Variants in NHEJ1 observed in about 807,000 individuals in gnomAD.
NHEJ1 encodes non-homologous end-joining factor 1.
In NHEJ1, 22 loss-of-function variants were observed where a neutral mutation model predicts 39.4. That is an observed-to-expected ratio of 0.56 (90% CI 0.40 to 0.80). NHEJ1 has a LOEUF of 0.80. Among genes scored for constraint, NHEJ1 ranks in the 30% least tolerant of loss-of-function variants. The probability of loss-of-function intolerance (pLI) is 0.00; values close to 1 mark genes in which losing one functional copy is unlikely to be tolerated. For synonymous variants in NHEJ1, 154 were observed against 135.6 expected (o/e 1.14, Z -0.94); for missense variants, 329 against 357.1 (o/e 0.92, Z 0.63).
At chr2:219,136,879 A>T (rs1481822287) in intron 5 of NHEJ1, among the ~76,000 whole-genome samples, 1 of 152,168 alleles carries the variant, frequency 6.6e-6, no homozygotes, top group African/African-American at 2.4e-5. Flanking sequence ...CTGGGATTAC[A>T]GACCTGAGCC....
chr2:219,096,128 G>C (rs1179414506), intron 5 of NHEJ1, among the ~76,000 whole-genome samples: 59 of 152,220 alleles, frequency 3.9e-4, no homozygotes, highest in Non-Finnish European at 1.5e-5. Context: ...AGGAAAGTGA[G>C]AGGACCTATC....
At chr2:219,083,064 G>T (rs973918929) in intron 5 of NHEJ1, among the ~76,000 whole-genome samples, 2 of 152,164 alleles carry the variant, frequency 1.3e-5, no homozygotes, top group Non-Finnish European at 2.9e-5. Flanking sequence ...CTCCCCCTTC[G>T]CCAATCCATT....
chr2:219,100,914 G>C (rs888170198), intron 5 of NHEJ1, among the ~76,000 whole-genome samples: 1 of 152,090 alleles, frequency 6.6e-6, no homozygotes, highest in Non-Finnish European at 1.5e-5. Flanking sequence ...AAACACTATA[G>C]ATGTATATAA....
At chr2:219,121,704 T>C (rs549071238) in intron 5 of NHEJ1, among the ~76,000 whole-genome samples, 2 of 152,022 alleles carry the variant, frequency 1.3e-5, no homozygotes, top group Admixed American at 1.3e-4. Flanking sequence ...CAGCTGGACA[T>C]GCTCCTAGCT....
intron 5 of NHEJ1, among the ~76,000 whole-genome samples, chr2:219,116,240 G>A (rs375355868): frequency 7.6e-4 from 116 of 152,308 alleles, no homozygotes; most frequent in African/African-American, 2.7e-3. Context: ...GAATCAAAAC[G>A]GAGAATCTGA....
At chr2:219,092,921 C>G (rs1014072195) in intron 5 of NHEJ1, among the ~76,000 whole-genome samples, 1 of 152,158 alleles carries the variant, frequency 6.6e-6, no homozygotes, top group African/African-American at 2.4e-5. Flanking sequence ...AATTAGGTAC[C>G]AAGAGACCTC....
chr2:219,118,863 T>A (rs961846607), intron 5 of NHEJ1, among the ~76,000 whole-genome samples: 1 of 152,134 alleles, frequency 6.6e-6, no homozygotes, highest in Non-Finnish European at 1.5e-5. Context: ...AGCTAATGAC[T>A]GAGCTGTGGG....
intron 3 of NHEJ1, among the ~76,000 whole-genome samples, chr2:219,157,140 A>C (rs1212779653): frequency 6.6e-6 from 1 of 152,158 alleles, no homozygotes; most frequent in Non-Finnish European, 1.5e-5. Flanking sequence ...ACTTTATCAT[A>C]ATTTCCTGTT....
intron 5 of NHEJ1, among the ~76,000 whole-genome samples, chr2:219,078,481 T>C (rs1319959557): frequency 1.3e-5 from 2 of 152,254 alleles, no homozygotes; most frequent in Admixed American, 1.3e-4. Flanking sequence ...CTAGGCTCTT[T>C]TTCCAAAGGG....
chr2:219,119,735 G>T (rs923271398), intron 5 of NHEJ1, among the ~76,000 whole-genome samples: 1 of 152,182 alleles, frequency 6.6e-6, no homozygotes, highest in Non-Finnish European at 1.5e-5. Flanking sequence ...TTTAATCTAA[G>T]AGAAGAGAAA....
intron 1 of NHEJ1, among the ~76,000 whole-genome samples, chr2:219,160,266 A>G (rs1190262791): frequency 1.3e-5 from 2 of 152,186 alleles, no homozygotes; most frequent in Non-Finnish European, 2.9e-5. Context: ...GTAGAGGCCC[A>G]GAGAGCATCC....
At chr2:219,127,996 A>G (rs981694158) in intron 5 of NHEJ1, among the ~76,000 whole-genome samples, 1 of 152,170 alleles carries the variant, frequency 6.6e-6, no homozygotes, top group Non-Finnish European at 1.5e-5. Flanking sequence ...ACTGCCTGAA[A>G]TTTCCTGAGA....
intron 4 of NHEJ1, among the ~76,000 whole-genome samples, chr2:219,147,278 G>A (rs370324125): frequency 6.6e-6 from 1 of 152,142 alleles, no homozygotes; most frequent in East Asian, 1.9e-4. Flanking sequence ...TCAGGAGTTC[G>A]AGACCAGCCT....
At chr2:219,094,336 G>A (rs1949187159) in intron 5 of NHEJ1, among the ~76,000 whole-genome samples, 1 of 152,234 alleles carries the variant, frequency 6.6e-6, no homozygotes, top group African/African-American at 2.4e-5. Context: ...CTCCCACTCA[G>A]AGCAGGAGTC....
chr2:219,076,426 C>A lies in NHEJ1; in HGVS notation c.855G>T (p.Gln285His). 2 of 1,614,080 alleles carry A rather than the reference C, an allele frequency of 1.2e-6. No individual in the cohort carries two copies. Among genetic ancestry groups the A allele is most frequent in the Non-Finnish European group, 1.7e-6 (2 of 1,180,024 alleles). ...GCTTCTTCCTCTTGACCTTTGACAG[C>A]TGAGGTCTCTGCAGAGGGCCTGAAG... Reference protein sequence around the residue: ...TGTSGPLQRPQLSKVKRKKPR... With the variant: ...TGTSGPLQRPHLSKVKRKKPR... Residue 285 changes from glutamine (Q) to histidine (H), a missense_variant, in exon 8 of 8, where the codon CAG (glutamine) becomes CAT (histidine). By Grantham distance (24) the Gln-to-His change is conservative. Coordinates refer to ENST00000356853, the MANE Select transcript of NHEJ1 (RefSeq NM_024782.3).
chr2:219,121,830 A>AAG, intron 5 of NHEJ1, among the ~76,000 whole-genome samples: 1 of 152,158 alleles, frequency 6.6e-6, no homozygotes, highest in East Asian at 1.9e-4. Flanking sequence ...AAAAAAAAAA[A>AAG]AAATTAAATT....
intron 5 of NHEJ1, among the ~76,000 whole-genome samples, chr2:219,085,587 G>A (rs547005563): frequency 2.3e-4 from 35 of 152,272 alleles, no homozygotes; most frequent in African/African-American, 7.9e-4. Flanking sequence ...ACCTCGCCAT[G>A]CTCTATGATT....
At chr2:219,096,684 T>C (rs1033918440) in intron 5 of NHEJ1, among the ~76,000 whole-genome samples, 6 of 152,126 alleles carry the variant, frequency 3.9e-5, no homozygotes, top group Non-Finnish European at 7.4e-5. Flanking sequence ...AATTAGCCTA[T>C]GGATATCTGG....
chr2:219,113,249 T>C (rs866185106), intron 5 of NHEJ1, among the ~76,000 whole-genome samples: 20 of 152,102 alleles, frequency 1.3e-4, no homozygotes, highest in African/African-American at 4.6e-4. Flanking sequence ...AGGTCAGCAA[T>C]TCAGGAAGAA....
Sources: allele counts gnomAD v4.1 joint callset (sites outside exome capture counted in the v4.1 genomes callset), GRCh38; gene constraint gnomAD v4.1.1; transcripts MANE v1.5; gene names NCBI Gene and HGNC (gene_info 2026-07-23, HGNC 2026-07-21).